INTS4: variants seen among roughly 807,000 people sequenced by gnomAD.
The protein encoded by INTS4 is MSTP093.
In INTS4, 70 loss-of-function variants were observed where a neutral mutation model predicts 119.5. The observed-to-expected ratio is 0.59, with a 90% CI of 0.48 to 0.71. The LOEUF (loss-of-function observed/expected upper bound fraction) is 0.71, where lower values mean the gene tolerates loss of function less well. Among genes scored for constraint, INTS4 ranks in the 30% least tolerant of loss-of-function variants. The probability of loss-of-function intolerance (pLI) is 0.00; values close to 1 mark genes in which losing one functional copy is unlikely to be tolerated. For missense variants in INTS4, 867 were observed against 1,173.2 expected (o/e 0.74, Z 3.81); for synonymous variants, 316 against 419.6 (o/e 0.75, Z 3.02).
Position 77,901,408 on chromosome 11 carries a change from C to A in INTS4, c.2228+13G>T. 6.2e-7 allele frequency: 1 copy of A among 1,613,844 alleles called. No homozygotes were observed. On this transcript the variant is annotated intron_variant, in intron 18 of 22. Coordinates refer to ENST00000534064, the MANE Select transcript of INTS4 (RefSeq NM_033547.4). ...GGAACATGCCACATATTTTGGCCAA[C>A]CCCACATCTTACCCTCGTGTAGTTC...
chr11:77,900,912 G>T, intron 18 of INTS4: 1 of 413,426 alleles, frequency 2.4e-6, no homozygotes, highest in Non-Finnish European at 4.3e-6. Context: ...TGAGGTAGAT[G>T]CTGTCTTCAT....
At chr11:77,910,298 A>G (rs1953059947) in intron 15 of INTS4, among the ~76,000 whole-genome samples, 1 of 151,842 alleles carries the variant, frequency 6.6e-6, no homozygotes, top group Admixed American at 6.6e-5. Flanking sequence ...TTGTAGGGAC[A>G]TGGATGAAGC....
intron 19 of INTS4, among the ~76,000 whole-genome samples, chr11:77,893,987 G>A (rs1309397001): frequency 3.3e-5 from 5 of 151,740 alleles, no homozygotes; most frequent in Non-Finnish European, 5.9e-5. Context: ...TTCAACAAAC[G>A]TATTTACACG....
At chr11:77,928,793 T>C (rs1456494391) in intron 10 of INTS4, among the ~76,000 whole-genome samples, 2 of 151,948 alleles carry the variant, frequency 1.3e-5, no homozygotes, top group Admixed American at 6.6e-5. Context: ...AAATTACAGT[T>C]AGCCAAGGTC....
At chr11:77,954,992 C>G (rs1434809975) in intron 8 of INTS4, among the ~76,000 whole-genome samples, 6 of 152,184 alleles carry the variant, frequency 3.9e-5, no homozygotes, top group African/African-American at 1.4e-4. Flanking sequence ...AAGATTCTTT[C>G]TAGTTCTAAA....
intron 2 of INTS4, among the ~76,000 whole-genome samples, chr11:77,983,226 C>T (rs1434707177): frequency 6.6e-6 from 1 of 152,110 alleles, no homozygotes; most frequent in African/African-American, 2.4e-5. Flanking sequence ...GTTCCTTGAT[C>T]TTTATTATTT....
chr11:77,928,527 C>T lies in INTS4; in HGVS notation c.1186G>A (p.Glu396Lys). The T allele has an allele frequency of 6.3e-7, 1 of 1,585,964 alleles. No homozygotes were observed. Among genetic ancestry groups the T allele is most frequent in the Non-Finnish European group, 8.6e-7 (1 of 1,164,734 alleles). Reference sequence around the variant, plus strand: ...GACTGGGCCAACATGCAGAGGGCCTCCACAGCAGCAATACGAACCTCTAGA... The same window carrying T: ...GACTGGGCCAACATGCAGAGGGCCTTCACAGCAGCAATACGAACCTCTAGA... ...EMYEVRIAAV[E>K]ALCMLAQSSP... is the part of the protein sequence containing the mutation. The change falls in exon 11 of 23, where the codon GAG becomes AAG. Residue 396 changes from glutamate (E) to lysine (K), a missense_variant. By Grantham distance (56) the Glu-to-Lys change is moderately conservative (BLOSUM62 1). Around this residue, in one of 5 missense-constraint regions of INTS4, gnomAD observed 208 missense variants for 306.6 expected, o/e 0.68. Coordinates refer to ENST00000534064, the MANE Select transcript of INTS4 (RefSeq NM_033547.4).
Position 77,918,416 on chromosome 11 carries a change from C to CAAA in INTS4, c.1922+402_1922+404dup, listed in dbSNP as rs34005455. 261 of 57,916 alleles carry CAAA rather than the reference C, an allele frequency of 4.5e-3. 4 individuals are homozygous for CAAA. The highest frequency in any genetic ancestry group is 8.8e-3 in the Middle Eastern group (1 of 114). The allele number at this position is 57,916 out of a possible 1,614,324, so 3.6% of individuals were successfully genotyped here. A position where few individuals can be genotyped will look rare whatever the true frequency, so the allele number is the denominator to read the frequency against. On this transcript the variant is annotated intron_variant, in intron 15 of 22. Transcript: ENST00000534064. ...TGGGTGACAGGGTGAGACCCTGTCT[C>CAAA]AAAAAAAAAAAAAAAAAAAAAAAAG...
At chr11:77,892,073 T>C (rs1952296783) in intron 19 of INTS4, among the ~76,000 whole-genome samples, 1 of 152,230 alleles carries the variant, frequency 6.6e-6, no homozygotes, top group Non-Finnish European at 1.5e-5. Flanking sequence ...CTTAAGTGTT[T>C]TACATGATCT....
At chr11:77,918,554 T>C (rs934941166) in intron 15 of INTS4, 5 of 327,772 alleles carry the variant, frequency 1.5e-5, no homozygotes, top group South Asian at 5.3e-5. Context: ...CTCATCCTAA[T>C]ATATAAAATT....
chr11:77,978,807 T>C (rs1464241341), intron 4 of INTS4, 189 bp downstream of exon 4: 2 of 413,880 alleles, frequency 4.8e-6, no homozygotes, highest in South Asian at 2.9e-5. Flanking sequence ...ACAGTAACTA[T>C]GTACTGTAAT....
At chr11:77,902,793 G>T (rs949720784) in intron 17 of INTS4, among the ~76,000 whole-genome samples, 3 of 152,160 alleles carry the variant, frequency 2.0e-5, no homozygotes, top group African/African-American at 4.8e-5. Context: ...AAAGGGGAAT[G>T]ACTCAAAGCT....
intron 4 of INTS4, among the ~76,000 whole-genome samples, chr11:77,965,481 C>A (rs552261262): frequency 1.3e-5 from 2 of 152,174 alleles, no homozygotes; most frequent in South Asian, 2.1e-4. Context: ...GCAACTCCCC[C>A]CTCCCTCACT....
intron 7 of INTS4, among the ~76,000 whole-genome samples, chr11:77,957,699 T>C (rs1406286512): frequency 6.8e-6 from 1 of 146,984 alleles, no homozygotes; most frequent in Admixed American, 6.7e-5. Context: ...GAAAGTGTCT[T>C]GCTCTGTGAC....
intron 2 of INTS4, chr11:77,987,666 G>A (rs1422863014): frequency 6.7e-6 from 3 of 449,428 alleles, no homozygotes; most frequent in Non-Finnish European, 1.3e-5. Context: ...AGGAATTCGC[G>A]ACCAGCCTGG....
chr11:77,981,527 A>G lies in INTS4; in HGVS notation c.296T>C (p.Leu99Ser). 3 of 1,586,256 alleles carry G rather than the reference A, an allele frequency of 1.9e-6. No homozygotes were observed. Among genetic ancestry groups the G allele is most frequent in the Non-Finnish European group, 1.7e-6 (2 of 1,165,202 alleles). The change falls in exon 3 of 23, where the codon TTA becomes TCA. Residue 99 changes from leucine (L) to serine (S), a missense_variant. Physicochemically the swap from Leu to Ser is moderately radical, Grantham distance 145. Around this residue, in one of 5 missense-constraint regions of INTS4, gnomAD observed 224 missense variants for 231.8 expected, o/e 0.97. Transcript: ENST00000534064. ...TGGTGAAAATCCTGCTGTCTTTGATAATAAACCCAACAATGATGCAATTTT... is the reference window on the plus strand; with the variant it reads ...TGGTGAAAATCCTGCTGTCTTTGATGATAAACCCAACAATGATGCAATTTT... ...RLKIASLLGL[L>S]SKTAGFSPDC...
Position 77,903,637 on chromosome 11 carries a change from G to A in INTS4, c.2017-17C>T. The A allele has an allele frequency of 1.2e-6, 2 of 1,602,200 alleles. No homozygotes were observed. Among genetic ancestry groups the A allele is most frequent in the Non-Finnish European group, 1.7e-6 (2 of 1,171,086 alleles). Reference sequence around the variant, plus strand: ...CTGCAAGGCCTACGCAGACAAATCAGGAGGGAACAGAATACCGAGGTCACA... The same window carrying A: ...CTGCAAGGCCTACGCAGACAAATCAAGAGGGAACAGAATACCGAGGTCACA... On this transcript the variant is annotated splice_polypyrimidine_tract_variant and intron_variant, in intron 16 of 22. Coordinates refer to ENST00000534064, the MANE Select transcript of INTS4 (RefSeq NM_033547.4).
chr11:77,972,786 CT>C (rs1855783531), intron 4 of INTS4, among the ~76,000 whole-genome samples: 1 of 150,908 alleles, frequency 6.6e-6, no homozygotes, highest in African/African-American at 2.4e-5. Flanking sequence ...CTGGATATTA[CT>C]GGTGCTTCTT....
At chr11:77,893,971 A>G (rs1274193588) in intron 19 of INTS4, among the ~76,000 whole-genome samples, 1 of 151,802 alleles carries the variant, frequency 6.6e-6, no homozygotes, top group Non-Finnish European at 1.5e-5. Context: ...ATGACTAATG[A>G]TTTTTTTCAA....
Sources: gnomAD v4.1 joint callset for allele counts (sites outside exome capture counted in the v4.1 genomes callset) on GRCh38, gnomAD v4.1.1 for gene constraint, gnomAD v4.1.1 regional missense constraint, MANE v1.5 for transcripts, NCBI Gene and HGNC (gene_info 2026-07-23, HGNC 2026-07-21) for gene names.